Variants in SUMF1 observed in about 807,000 individuals in gnomAD.
The protein encoded by SUMF1 is sulfatase modifying factor 1, also known as formylglycine-generating enzyme.
In SUMF1, 48 loss-of-function variants were observed where a neutral mutation model predicts 47.6. That is an observed-to-expected ratio of 1.01 (90% CI 0.80 to 1.28). SUMF1 has a LOEUF of 1.28. Among genes scored for constraint, SUMF1 ranks in the 50% most tolerant of loss-of-function variants. The probability of loss-of-function intolerance (pLI) is 0.00; values close to 1 mark genes in which losing one functional copy is unlikely to be tolerated. For synonymous variants in SUMF1, 230 were observed against 192.1 expected, an observed-to-expected ratio of 1.20 and a Z score of -1.63; for missense variants, 571 against 485.4, an observed-to-expected ratio of 1.18 and a Z score of -1.66.
At chr3:4,103,179 T>TC (rs1329565577) in intron 8 of SUMF1, among the ~76,000 whole-genome samples, 1 of 150,482 alleles carries the variant, frequency 6.6e-6, no homozygotes, top group African/African-American at 2.4e-5. Flanking sequence ...TGCCTCGGCC[T>TC]CCCAAAGTGC....
chr3:4,265,129 T>C (rs1575034576), intron 8 of SUMF1, among the ~76,000 whole-genome samples: 1 of 94,122 alleles, frequency 1.1e-5, no homozygotes, highest in Admixed American at 1.6e-4. Context: ...AGAGCGAGAC[T>C]CCATCTCAAA....
chr3:4,413,018 T>G (rs151066276), intron 6 of SUMF1, among the ~76,000 whole-genome samples: 127 of 152,272 alleles, frequency 8.3e-4, no homozygotes, highest in Middle Eastern at 6.8e-3. Flanking sequence ...ATACTATTTT[T>G]TTTTTAGACA....
intron 8 of SUMF1, among the ~76,000 whole-genome samples, chr3:4,305,577 C>CA (rs1698159014): frequency 6.6e-6 from 1 of 152,174 alleles, no homozygotes; most frequent in Non-Finnish European, 1.5e-5. Flanking sequence ...CCACAAGAGA[C>CA]AACCCTCCAG....
intron 8 of SUMF1, among the ~76,000 whole-genome samples, chr3:4,299,554 A>G (rs886393340): frequency 6.6e-6 from 1 of 152,232 alleles, no homozygotes; most frequent in Non-Finnish European, 1.5e-5. Context: ...TATGCCTGTA[A>G]TCTCAGCACT....
chr3:4,408,681 AGTAACAAGACCTGGCGTGGT>A (rs1214570347), intron 7 of SUMF1, among the ~76,000 whole-genome samples: 3 of 152,200 alleles, frequency 2.0e-5, no homozygotes, highest in African/African-American at 7.2e-5. Context: ...TAAAAATAAA[AGTAACAAGACCTGGCGTGGT>A]GGCTCACACC....
At chr3:4,142,794 A>G (rs1178233365) in intron 8 of SUMF1, among the ~76,000 whole-genome samples, 1 of 152,100 alleles carries the variant, frequency 6.6e-6, no homozygotes, top group Non-Finnish European at 1.5e-5. Context: ...ACATATAATT[A>G]GAGGGGATTT....
At chr3:4,431,495 G>A (rs192549487) in intron 3 of SUMF1, among the ~76,000 whole-genome samples, 32 of 152,266 alleles carry the variant, frequency 2.1e-4, no homozygotes, top group African/African-American at 7.2e-4. Context: ...GGGAATGGGG[G>A]ACCACCCCCA....
rs978425794 is a variant in SUMF1, at chr3:4,433,015, T to A, written c.520-12869A>T. On this transcript the variant is annotated intron_variant, in intron 3 of 8. Transcript: ENST00000272902. ...TTTTGTGCCACTTCGTGGGCCATTG[T>A]TGCCTCATCTATAAGATTTTTTGCC... Among the ~76,000 whole-genome samples, 3 of 152,364 alleles carry A rather than the reference T, an allele frequency of 2.0e-5. No homozygotes were observed. In the South Asian group the frequency reaches 6.2e-4, roughly 32 times the overall value.
At chr3:4,212,764 T>C (rs915627309) in intron 8 of SUMF1, among the ~76,000 whole-genome samples, 3 of 152,096 alleles carry the variant, frequency 2.0e-5, no homozygotes, top group African/African-American at 7.2e-5. Context: ...TTGGGAAGCA[T>C]ACACAAGTAT....
chr3:4,236,554 G>A (rs1022708459), intron 8 of SUMF1, among the ~76,000 whole-genome samples: 1 of 150,830 alleles, frequency 6.6e-6, no homozygotes, highest in South Asian at 2.1e-4. Context: ...AGAAGTTCAA[G>A]TTCAGCATGG....
intron 7 of SUMF1, among the ~76,000 whole-genome samples, chr3:4,385,107 A>C (rs113231393): frequency 0.25 from 37,708 of 152,024 alleles, 5,794 homozygotes; most frequent in Admixed American, 0.33. Context: ...GCTGGTCTCG[A>C]ACTCCTGACC....
intron 8 of SUMF1, among the ~76,000 whole-genome samples, chr3:4,259,988 A>G (rs997238167): frequency 6.6e-6 from 1 of 151,796 alleles, no homozygotes; most frequent in South Asian, 2.1e-4. Flanking sequence ...CTCAAATATC[A>G]TAACATATGT....
intron 8 of SUMF1, among the ~76,000 whole-genome samples, chr3:4,246,611 A>G (rs1367331867): frequency 1.3e-5 from 2 of 152,142 alleles, no homozygotes; most frequent in Non-Finnish European, 2.9e-5. Flanking sequence ...TATGTTGGCC[A>G]GGCTGGTGTC....
chr3:4,298,729 T>A (rs1697908082), intron 8 of SUMF1, among the ~76,000 whole-genome samples: 1 of 152,232 alleles, frequency 6.6e-6, no homozygotes, highest in African/African-American at 2.4e-5. Flanking sequence ...TCTTCATGTA[T>A]ACATTCCCCT....
chr3:4,124,772 T>C lies in SUMF1; in HGVS notation c.1015-56027A>G, dbSNP rs1693617742. Among the ~76,000 whole-genome samples the C allele has an allele frequency of 2.6e-5, 4 of 151,608 alleles. No individual in the cohort carries two copies. The South Asian group carries it at 8.4e-4, about 32-fold the overall frequency. ...ACCTACCTACAAAGAATCAATGTAT[T>C]GATTTGAGAATACTACCTATCTGTA... is the stretch of plus-strand genomic sequence containing the variant. On this transcript the variant is annotated intron_variant and NMD_transcript_variant, in intron 8 of 12. Transcript: ENST00000448413.
chr3:4,100,836 G>A (rs1417701066), intron 8 of SUMF1, among the ~76,000 whole-genome samples: 1 of 151,788 alleles, frequency 6.6e-6, no homozygotes, highest in African/African-American at 2.4e-5. Context: ...TTTAAAAAAT[G>A]GACAAAGAAC....
chr3:4,178,476 G>C (rs1196379413), intron 8 of SUMF1, among the ~76,000 whole-genome samples: 1 of 152,124 alleles, frequency 6.6e-6, no homozygotes, highest in East Asian at 1.9e-4. Flanking sequence ...AAAGGCCTTT[G>C]ACAAAATTCA....
intron 8 of SUMF1, among the ~76,000 whole-genome samples, chr3:4,104,421 T>C (rs915111734): frequency 1.3e-5 from 2 of 151,976 alleles, no homozygotes; most frequent in Non-Finnish European, 2.9e-5. Flanking sequence ...AATACAGCCC[T>C]TCAGATCCAC....
chr3:4,382,485 A>G (rs1250394265), intron 7 of SUMF1, among the ~76,000 whole-genome samples: 3 of 152,176 alleles, frequency 2.0e-5, no homozygotes, highest in Non-Finnish European at 4.4e-5. Context: ...GCCATGGGAA[A>G]TTCTTTTAAA....
Sources: allele counts gnomAD v4.1 joint callset (sites outside exome capture counted in the v4.1 genomes callset), GRCh38; gene constraint gnomAD v4.1.1; transcripts MANE v1.5; gene names NCBI Gene and HGNC (gene_info 2026-07-23, HGNC 2026-07-21).